The following FMNL1 variants were observed in gnomAD, a reference collection of about 807,000 sequenced individuals.
FMNL1 encodes formin like 1.
FMNL1 carries 43 observed loss-of-function variants against 121.3 expected under a neutral mutation model. That is an observed-to-expected ratio of 0.35 (90% CI 0.28 to 0.46). The LOEUF (loss-of-function observed/expected upper bound fraction) is 0.46, where lower values mean the gene tolerates loss of function less well. FMNL1 is among the 20% of genes least tolerant of loss of function. FMNL1 has a pLI of 1.00. For missense variants in FMNL1, 1,191 were observed against 1,482.4 expected (o/e 0.80, Z 3.23); for synonymous variants, 613 against 613.5 (o/e 1.00, Z 0.01).
Position 45,234,177 on chromosome 17 carries a change from C to G in FMNL1, c.591C>G (p.Pro197=). Residue 197 remains proline, a synonymous_variant, in exon 6 of 27, where the codon CCC becomes CCG. Transcript: ENST00000331495. ...DLSKGPPSSV[P]KSRHLTIKLT... Reference sequence around the variant, plus strand: ...GCAAGGGTCCACCCTCCTCCGTGCCCAAAAGCCGCCACCTGACCATCAAGT... The same window carrying G: ...GCAAGGGTCCACCCTCCTCCGTGCCGAAAAGCCGCCACCTGACCATCAAGT... 6.2e-7 allele frequency: 1 copy of G among 1,614,132 alleles called. No homozygotes were observed. The highest frequency in any genetic ancestry group is 1.3e-5 in the African/African-American group (1 of 75,036).
In FMNL1 at chr17:45,244,041, G is replaced by T. The variant is rs746732336; in HGVS notation, c.2448+16G>T. ...GCTCATGCCGGTGTGGGCGGAGCGG[G>T]CAGGGCGGTGTGACTTGGGAGGGGA... On this transcript the variant is annotated intron_variant, in intron 18 of 26. Coordinates refer to ENST00000331495, the MANE Select transcript of FMNL1 (RefSeq NM_005892.4). 1.9e-6 allele frequency: 3 copies of T among 1,601,624 alleles called. No homozygotes were observed. The East Asian group carries it at 6.7e-5, about 36-fold the overall frequency.
intron 1 of FMNL1, among the ~76,000 whole-genome samples, chr17:45,227,322 A>C (rs2143217326): frequency 6.6e-6 from 1 of 152,076 alleles, no homozygotes; most frequent in Middle Eastern, 3.4e-3. Context: ...ACTGTCTCAG[A>C]AGTAAGCACT....
At position 45,246,200 on chromosome 17, in the gene FMNL1, T is replaced by C. The variant is rs114638745; in HGVS notation, c.3091-10T>C. 9.8e-4 allele frequency: 1,571 copies of C among 1,600,948 alleles called. 21 individuals carry two copies. In the African/African-American group the frequency reaches 0.02, roughly 20 times the overall value. On this transcript the variant is annotated splice_polypyrimidine_tract_variant and intron_variant, in intron 24 of 26. Coordinates refer to ENST00000331495, the MANE Select transcript of FMNL1 (RefSeq NM_005892.4). Reference sequence around the variant, plus strand: ...GGCATCCTGGAGCTGGAGCTATAAATTCCCCCTAGTCACCGCCAAAGGCCC... The same window carrying C: ...GGCATCCTGGAGCTGGAGCTATAAACTCCCCCTAGTCACCGCCAAAGGCCC...
At chr17:45,230,492 TG>T (rs2043416453) in intron 1 of FMNL1, 111 bp from the exon 2 acceptor site, 3 of 869,574 alleles carry the variant, frequency 3.4e-6, no homozygotes, top group South Asian at 1.4e-5. Context: ...AGAGGATTCA[TG>T]GGGGTGATGC....
chr17:45,243,776 T>C lies in FMNL1; in HGVS notation c.2214-15T>C, dbSNP rs1451592122. On this transcript the variant is annotated splice_polypyrimidine_tract_variant and intron_variant, in intron 17 of 26. Coordinates refer to ENST00000331495, the MANE Select transcript of FMNL1 (RefSeq NM_005892.4). ...TATGGATGATGCCCAATCTCCCCTC[T>C]CCTCCCTCTCACAGGTACGACCTGC... is the stretch of plus-strand genomic sequence containing the variant. The C allele has an allele frequency of 1.2e-6, 2 of 1,602,006 alleles. No individual in the cohort carries two copies. The highest frequency in any genetic ancestry group is 2.7e-5 in the African/African-American group (2 of 74,740).
chr17:45,242,821 TTC>T (rs1279342238), intron 16 of FMNL1, among the ~76,000 whole-genome samples: 2 of 152,234 alleles, frequency 1.3e-5, no homozygotes, highest in African/African-American at 4.8e-5. Flanking sequence ...CATTGTTCCA[TTC>T]TGTTTCCTCT....
chr17:45,231,785 A>C lies in FMNL1; in HGVS notation c.214-582A>C, dbSNP rs1386653931. Among the ~76,000 whole-genome samples, 1 of 152,124 alleles carries C rather than the reference A, an allele frequency of 6.6e-6. No individual in the cohort carries two copies. On this transcript the variant is annotated intron_variant, in intron 2 of 26. Coordinates refer to ENST00000331495, the MANE Select transcript of FMNL1 (RefSeq NM_005892.4). The surrounding 1 kb of genome is among the most constrained non-coding windows in gnomAD (Gnocchi z 4.7). ...GGGCGGCTGGGTCCGAGTCCTACCC[A>C]GGTGCTGGGTCCCCTTCACGAGGCA...
In FMNL1 at chr17:45,221,930, G is replaced by A. The variant is rs559752852; in HGVS notation, c.-195G>A. 3.2e-4 allele frequency: 111 copies of A among 350,628 alleles called. No individual in the cohort carries two copies. The highest frequency in any genetic ancestry group is 2.0e-3 in the African/African-American group (92 of 46,254). 21.7% of individuals were successfully genotyped at this position (350,628 alleles called of 1,614,324 possible). ...CAGCTCGCCGCCCGGTCCCACGGACGGGGCCGCCCCGATGGGACGCCGCGC... is the reference window on the plus strand; with the variant it reads ...CAGCTCGCCGCCCGGTCCCACGGACAGGGCCGCCCCGATGGGACGCCGCGC... On this transcript the variant is annotated 5_prime_UTR_variant, in exon 1 of 27. Transcript: ENST00000331495.
In FMNL1 at chr17:45,244,161, C is replaced by G. The variant is rs771198079; in HGVS notation, c.2449-15C>G. ...GAGGCTCCAACTTATCTTACCTCCC[C>G]CATCCCACCCCCAGCAACTGAATGC... On this transcript the variant is annotated splice_polypyrimidine_tract_variant and intron_variant, in intron 18 of 26. Coordinates refer to ENST00000331495, the MANE Select transcript of FMNL1 (RefSeq NM_005892.4). 1.2e-5 allele frequency: 19 copies of G among 1,612,516 alleles called. No homozygotes were observed. The highest frequency in any genetic ancestry group is 1.5e-5 in the Non-Finnish European group (18 of 1,179,366).
At chr17:45,244,496 G>A (rs2043784592) in intron 19 of FMNL1, among the ~76,000 whole-genome samples, 1 of 152,230 alleles carries the variant, frequency 6.6e-6, no homozygotes, top group Non-Finnish European at 1.5e-5. Context: ...CACCTGCTCA[G>A]TGGAGGGCCC....
chr17:45,232,419 G>A lies in FMNL1; in HGVS notation c.266G>A (p.Ser89Asn). The change falls in exon 3 of 27, where the codon AGC becomes AAC. Residue 89 changes from serine to asparagine, a missense_variant. Physicochemically the swap from Ser to Asn is conservative, Grantham distance 46 (BLOSUM62 1). Coordinates refer to ENST00000331495, the MANE Select transcript of FMNL1 (RefSeq NM_005892.4). ...GCAGCCTACATCCAGAAGCTGAAGA[G>A]CTATGTGGATACTGGTGGGGTCAGC... ...PPAAYIQKLK[S>N]YVDTGGVSRK... 1 of 1,614,022 alleles carries A rather than the reference G, an allele frequency of 6.2e-7. No individual in the cohort carries two copies. The highest frequency in any genetic ancestry group is 8.5e-7 in the Non-Finnish European group (1 of 1,179,954).
At chr17:45,224,104 G>T (rs986574794) in intron 1 of FMNL1, among the ~76,000 whole-genome samples, 1 of 152,070 alleles carries the variant, frequency 6.6e-6, no homozygotes, top group Non-Finnish European at 1.5e-5. Flanking sequence ...CACCCACCAG[G>T]GCTTACCCCC....
Position 45,246,341 on chromosome 17 carries a change from G to A in FMNL1, c.3211+11G>A. ...AAGACATCATCACAGGTAAGGGCTT[G>A]GCCAGGCCTTGGTCTTATCCTCAGT... On this transcript the variant is annotated intron_variant, in intron 25 of 26. Coordinates refer to ENST00000331495, the MANE Select transcript of FMNL1 (RefSeq NM_005892.4). 1 of 1,614,072 alleles carries A rather than the reference G, an allele frequency of 6.2e-7. No homozygotes were observed. Among genetic ancestry groups the A allele is most frequent in the South Asian group, 1.1e-5 (1 of 91,084 alleles).
In FMNL1 at chr17:45,243,783, T is replaced by A. The variant is rs376192185; in HGVS notation, c.2214-8T>A. 2 of 1,604,326 alleles carry A rather than the reference T, an allele frequency of 1.2e-6. No homozygotes were observed. Among genetic ancestry groups the A allele is most frequent in the African/African-American group, 1.3e-5 (1 of 74,784 alleles). ...GATGCCCAATCTCCCCTCTCCTCCC[T>A]CTCACAGGTACGACCTGCAGGCTCT... On this transcript the variant is annotated splice_polypyrimidine_tract_variant and splice_region_variant and intron_variant, in intron 17 of 26. Coordinates refer to ENST00000331495, the MANE Select transcript of FMNL1 (RefSeq NM_005892.4).
Position 45,234,186 on chromosome 17 carries a change from C to T in FMNL1, c.600C>T (p.Arg200=). 8.7e-6 allele frequency: 14 copies of T among 1,614,124 alleles called. No homozygotes were observed. Among genetic ancestry groups the T allele is most frequent in the Non-Finnish European group, 1.2e-5 (14 of 1,180,032 alleles). ...KGPPSSVPKS[R]HLTIKLTPAH... Reference sequence around the variant, plus strand: ...CACCCTCCTCCGTGCCCAAAAGCCGCCACCTGACCATCAAGTATGTGGGCC... The same window carrying T: ...CACCCTCCTCCGTGCCCAAAAGCCGTCACCTGACCATCAAGTATGTGGGCC... Residue 200 remains arginine (R), a synonymous_variant, in exon 6 of 27, where the codon CGC becomes CGT. Transcript: ENST00000331495.
Position 45,242,073 on chromosome 17 carries a change from G to A in FMNL1, c.1812G>A (p.Pro604=), listed in dbSNP as rs1482664816. 35 of 1,330,830 alleles carry A rather than the reference G, an allele frequency of 2.6e-5. No homozygotes were observed. Among genetic ancestry groups the A allele is most frequent in the Non-Finnish European group, 3.2e-5 (32 of 1,006,042 alleles). The allele number at this position is 1,330,830 out of a possible 1,614,324, so 82.4% of individuals were successfully genotyped here. ...GCACTGACGGGCCGGTGCCTCCGCC[G>A]CCGCCGCCGCCGCCGCCGCCTCCCG... is the stretch of plus-strand genomic sequence containing the variant. The part of the protein sequence containing the change: ...PPGTDGPVPP[P]PPPPPPPPGG... The change falls in exon 15 of 27, where the codon CCG becomes CCA. Residue 604 remains proline, a synonymous_variant. Coordinates refer to ENST00000331495, the MANE Select transcript of FMNL1 (RefSeq NM_005892.4).
intron 1 of FMNL1, among the ~76,000 whole-genome samples, chr17:45,229,494 C>T (rs1278836693): frequency 1.3e-5 from 2 of 152,186 alleles, no homozygotes; most frequent in African/African-American, 4.8e-5. Context: ...GCTGGTGAGC[C>T]CCTCAGGGTC....
At chr17:45,229,836 C>A (rs1381083673) in intron 1 of FMNL1, among the ~76,000 whole-genome samples, 1 of 152,082 alleles carries the variant, frequency 6.6e-6, no homozygotes, top group Non-Finnish European at 1.5e-5. Flanking sequence ...TGGGGGAGTC[C>A]CAGCTGGGCG....
At chr17:45,245,509 G>C (rs376891837) in intron 22 of FMNL1, 93 bp downstream of exon 22, 7 of 1,604,698 alleles carry the variant, frequency 4.4e-6, no homozygotes, top group Admixed American at 3.3e-5. Flanking sequence ...GGACCCCTTG[G>C]GGGGATGCAG....
Sources: allele counts gnomAD v4.1 joint callset (sites outside exome capture counted in the v4.1 genomes callset), GRCh38; gene constraint gnomAD v4.1.1; non-coding constraint Gnocchi (gnomAD v3.1); transcripts MANE v1.5; gene names NCBI Gene and HGNC (gene_info 2026-07-23, HGNC 2026-07-21).